Variants in STAT1 observed in about 807,000 individuals in gnomAD.
STAT1 encodes the protein signal transducer and activator of transcription 1-alpha/beta.
Under a neutral mutation model 111.7 loss-of-function variants are expected in STAT1, and 24 were observed. The ratio of observed to expected loss-of-function variants is 0.21; its 90% CI spans 0.16 to 0.30. The LOEUF (loss-of-function observed/expected upper bound fraction) is 0.30, where lower values mean the gene tolerates loss of function less well. STAT1 is among the 10% of genes least tolerant of loss of function. STAT1 has a pLI of 1.00. For synonymous variants in STAT1, 332 were observed against 326.5 expected (o/e 1.02, Z -0.18); for missense variants, 351 against 911.9 (o/e 0.38, Z 7.92).
rs1480789602 is a variant in STAT1, at chr2:191,012,964, G to C, written c.-2+561C>G. ...AATTCTGTACCTCTATTAGAGCATCGGTTCCAGTTTTCCTTGTAAAGCTCT... is the reference window on the plus strand; with the variant it reads ...AATTCTGTACCTCTATTAGAGCATCCGTTCCAGTTTTCCTTGTAAAGCTCT... On this transcript the variant is annotated intron_variant, in intron 2 of 24. Transcript: ENST00000361099. The surrounding 1 kb of genome is among the most constrained non-coding windows in gnomAD (Gnocchi z 4.0). 6.6e-6 allele frequency among the ~76,000 whole-genome samples: 1 copy of C among 152,132 alleles called. No individual in the cohort carries two copies. The highest frequency in any genetic ancestry group is 1.5e-5 in the Non-Finnish European group (1 of 68,030).
intron 5 of STAT1, among the ~76,000 whole-genome samples, chr2:191,005,597 A>G (rs1409146247): frequency 6.6e-6 from 1 of 152,196 alleles, no homozygotes; most frequent in African/African-American, 2.4e-5. Context: ...GGTGTATGGT[A>G]GGTTATACCA....
Position 190,979,300 on chromosome 2 carries a change from A to G in STAT1, c.1728-299T>C, listed in dbSNP as rs915104749. Among the ~76,000 whole-genome samples, 1 of 152,234 alleles carries G rather than the reference A, an allele frequency of 6.6e-6. No individual in the cohort carries two copies. Among genetic ancestry groups the G allele is most frequent in the African/African-American group, 2.4e-5 (1 of 41,464 alleles). ...GTTCCTTTATTATTTTAAAGGCCAT[A>G]ACAATGTCTGAATGTATACATCTTT... On this transcript the variant is annotated intron_variant, in intron 20 of 24. Transcript: ENST00000361099. This position sits in a 1 kb window ranked among gnomAD's most constrained non-coding sequence, Gnocchi z 5.8.
At position 190,989,541 on chromosome 2, in the gene STAT1, G is replaced by A; in HGVS notation, c.1097+74C>T. ...GCTAGAAATCTGCTTATTTAGTGGA[G>A]GAATCTGTGCTTGAGTAACAAAATC... On this transcript the variant is annotated intron_variant, in intron 12 of 24. Coordinates refer to ENST00000361099, the MANE Select transcript of STAT1 (RefSeq NM_007315.4). The surrounding 1 kb of genome is among the most constrained non-coding windows in gnomAD (Gnocchi z 5.0). 2.0e-6 allele frequency: 2 copies of A among 1,011,856 alleles called. No homozygotes were observed. The highest frequency in any genetic ancestry group is 2.9e-5 in the South Asian group (2 of 68,172). 62.7% of individuals were successfully genotyped at this position (1,011,856 alleles called of 1,614,324 possible).
In STAT1 at chr2:191,000,833, T is replaced by A. The variant is rs902845843; in HGVS notation, c.462+241A>T. Among the ~76,000 whole-genome samples the A allele has an allele frequency of 6.6e-6, 1 of 152,152 alleles. No individual in the cohort carries two copies. Among genetic ancestry groups the A allele is most frequent in the Non-Finnish European group, 1.5e-5 (1 of 68,016 alleles). On this transcript the variant is annotated intron_variant, in intron 6 of 24. Coordinates refer to ENST00000361099, the MANE Select transcript of STAT1 (RefSeq NM_007315.4). This position sits in a 1 kb window ranked among gnomAD's most constrained non-coding sequence, Gnocchi z 4.8. ...GGCAAAGTCAACATTTACTGCATGA[T>A]CTTTCAGGGAAGAAAAAGCTAAACT...
rs1693569257 is a variant in STAT1 at position 190,993,610 on chromosome 2, A to G, written c.944+1451T>C. The stretch of plus-strand genomic sequence containing the variant: ...CGCTGCCACGGCCACCCTTGCTGCT[A>G]CAGCTGCTGCCCTGACTCTCTGCAC... On this transcript the variant is annotated intron_variant, in intron 10 of 24. Coordinates refer to ENST00000361099, the MANE Select transcript of STAT1 (RefSeq NM_007315.4). The surrounding 1 kb of genome is among the most constrained non-coding windows in gnomAD (Gnocchi z 4.1). 3 of 584,028 alleles carry G rather than the reference A, an allele frequency of 5.1e-6. No individual in the cohort carries two copies. Among genetic ancestry groups the G allele is most frequent in the Non-Finnish European group, 3.3e-6 (1 of 299,528 alleles). The allele number at this position is 584,028 out of a possible 1,614,324, so 36.2% of individuals were successfully genotyped here.
At chr2:191,008,560 C>G (rs1574672222) in intron 4 of STAT1, among the ~76,000 whole-genome samples, 1 of 152,166 alleles carries the variant, frequency 6.6e-6, no homozygotes, top group Non-Finnish European at 1.5e-5. Context: ...TGTTTTATTC[C>G]TCATTTGCAT....
rs587776714 is a variant in STAT1, at chr2:190,976,971, G to GT, written c.1927dup (p.Thr643AsnfsTer4). The GT allele has an allele frequency of 6.2e-7, 1 of 1,614,236 alleles. No individual in the cohort carries two copies. Among genetic ancestry groups the GT allele is most frequent in the Non-Finnish European group, 8.5e-7 (1 of 1,180,036 alleles). On this transcript the variant is annotated frameshift_variant, in exon 22 of 25. Coordinates refer to ENST00000361099, the MANE Select transcript of STAT1 (RefSeq NM_007315.4). LOFTEE classifies it high-confidence loss of function. The surrounding 1 kb of genome is among the most constrained non-coding windows in gnomAD (Gnocchi z 6.0). ...GTAATTGCGAATGATGTCAGGGAAAGTAACAGCAGAAAGTTCTTTCTTCGT... is the reference window on the plus strand; with the variant it reads ...GTAATTGCGAATGATGTCAGGGAAAGTTAACAGCAGAAAGTTCTTTCTTCGT...
Position 190,986,672 on chromosome 2 carries a change from G to A in STAT1, c.1221+182C>T, listed in dbSNP as rs1400411234. 2.6e-5 allele frequency among the ~76,000 whole-genome samples: 4 copies of A among 152,176 alleles called. No homozygotes were observed. The highest frequency in any genetic ancestry group is 4.8e-5 in the African/African-American group (2 of 41,428). On this transcript the variant is annotated intron_variant, in intron 14 of 24. Transcript: ENST00000361099. This position sits in a 1 kb window ranked among gnomAD's most constrained non-coding sequence, Gnocchi z 5.0. ...AGCCCAGAAAACAGAGTGAACAGTC[G>A]TGGGATAAGGAGGAGAAACCAAAAT...
chr2:190,984,506 G>C lies in STAT1; in HGVS notation c.1264-113C>G. ...ACAGAGATCCTGGGCCCAATCAGTG[G>C]CAAGTCTGAAGACTCAATATTCAAT... On this transcript the variant is annotated intron_variant, in intron 15 of 24. Transcript: ENST00000361099. The surrounding 1 kb of genome is among the most constrained non-coding windows in gnomAD (Gnocchi z 5.2). The C allele has an allele frequency of 2.4e-6, 2 of 846,830 alleles. No homozygotes were observed. Among genetic ancestry groups the C allele is most frequent in the Non-Finnish European group, 2.0e-6 (1 of 507,376 alleles). 52.5% of individuals were successfully genotyped at this position (846,830 alleles called of 1,614,324 possible). A position where few individuals can be genotyped will look rare whatever the true frequency, so the allele number is the denominator to read the frequency against.
In STAT1 at chr2:190,980,488, G is replaced by A. The variant is rs935642672; in HGVS notation, c.1632+132C>T. On this transcript the variant is annotated intron_variant, in intron 19 of 24. Coordinates refer to ENST00000361099, the MANE Select transcript of STAT1 (RefSeq NM_007315.4). This position sits in a 1 kb window ranked among gnomAD's most constrained non-coding sequence, Gnocchi z 6.1. ...CTGAAGAAAAGTAAACAACTTGCCC[G>A]AGGGGCTCCTTGGCCAGAGAAGAAC... 1.2e-5 allele frequency: 13 copies of A among 1,066,612 alleles called. No homozygotes were observed. Among genetic ancestry groups the A allele is most frequent in the East Asian group, 2.4e-5 (1 of 41,868 alleles). 66.1% of individuals were successfully genotyped at this position (1,066,612 alleles called of 1,614,324 possible).
rs759265816 is a variant in STAT1, at chr2:190,976,988, T to C, written c.1911A>G (p.Lys637=). The C allele has an allele frequency of 1.2e-6, 2 of 1,614,216 alleles. No individual in the cohort carries two copies. The highest frequency in any genetic ancestry group is 1.7e-6 in the Non-Finnish European group (2 of 1,180,046). The change falls in exon 22 of 25, where the codon AAA becomes AAG. Residue 637 remains lysine (K), a synonymous_variant. Transcript: ENST00000361099. The surrounding 1 kb of genome is among the most constrained non-coding windows in gnomAD (Gnocchi z 6.0). ...CAGGGAAAGTAACAGCAGAAAGTTC[T>C]TTCTTCGTGTAGGGTTCAACCGCAT... ...DFHAVEPYTK[K]ELSAVTFPDI... is the part of the protein sequence containing the mutation.
In STAT1 at chr2:190,993,894, T is replaced by C. The variant is rs932720328; in HGVS notation, c.944+1167A>G. ...GCCTACTGTTCACAAGGCACTGCGC[T>C]AGGTCCTGCTGGGGGAAAAGGGTGA... On this transcript the variant is annotated intron_variant, in intron 10 of 24. Transcript: ENST00000361099. The surrounding 1 kb of genome is among the most constrained non-coding windows in gnomAD (Gnocchi z 4.1). Among the ~76,000 whole-genome samples the C allele has an allele frequency of 3.3e-5, 5 of 152,168 alleles. 1 individual carries two copies. The highest frequency in any genetic ancestry group is 7.3e-5 in the Non-Finnish European group (5 of 68,030).
At chr2:191,002,349 A>G (rs1255340742) in intron 5 of STAT1, among the ~76,000 whole-genome samples, 1 of 151,968 alleles carries the variant, frequency 6.6e-6, no homozygotes, top group African/African-American at 2.4e-5. Context: ...TTCCTTCTAG[A>G]TTTTTCTCTT....
Position 191,007,471 on chromosome 2 carries a change from C to G in STAT1, c.372+92G>C, listed in dbSNP as rs1694794012. On this transcript the variant is annotated intron_variant, in intron 5 of 24. Transcript: ENST00000361099. The surrounding 1 kb of genome is among the most constrained non-coding windows in gnomAD (Gnocchi z 4.2). ...GGGGCTATAAAATTAGAGAGATATT[C>G]ATCATTGCTTTGACATGGGCCCTAA... 3 of 930,798 alleles carry G rather than the reference C, an allele frequency of 3.2e-6. No individual in the cohort carries two copies. In the South Asian group the frequency reaches 4.2e-5, roughly 13 times the overall value. 57.7% of individuals were successfully genotyped at this position (930,798 alleles called of 1,614,324 possible).
intron 12 of STAT1, among the ~76,000 whole-genome samples, chr2:190,988,505 A>G (rs1203977616): frequency 1.3e-5 from 2 of 152,248 alleles, no homozygotes; most frequent in South Asian, 2.1e-4. Context: ...CGGCCTCCCA[A>G]GTAGCTGTGA....
intron 12 of STAT1, among the ~76,000 whole-genome samples, chr2:190,988,012 G>A (rs1164819628): frequency 6.6e-6 from 1 of 152,252 alleles, no homozygotes; most frequent in East Asian, 1.9e-4. Flanking sequence ...GCAGAAGATG[G>A]TAAACTGCAA....
intron 3 of STAT1, among the ~76,000 whole-genome samples, chr2:191,009,432 TA>T (rs1694960923): frequency 1.8e-5 from 1 of 55,534 alleles, no homozygotes; most frequent in Non-Finnish European, 6.9e-5. Flanking sequence ...AATTAGCAAA[TA>T]ATAAATTTTA....
Position 190,998,140 on chromosome 2 carries a change from C to T in STAT1, c.633+77G>A. 1 of 1,566,146 alleles carries T rather than the reference C, an allele frequency of 6.4e-7. No homozygotes were observed. The highest frequency in any genetic ancestry group is 1.4e-5 in the African/African-American group (1 of 73,872). On this transcript the variant is annotated intron_variant, in intron 8 of 24. Coordinates refer to ENST00000361099, the MANE Select transcript of STAT1 (RefSeq NM_007315.4). This position sits in a 1 kb window ranked among gnomAD's most constrained non-coding sequence, Gnocchi z 4.1. The stretch of plus-strand genomic sequence containing the variant: ...CTAAGCCAGGTGGCTATAATTTTTC[C>T]TCTCTTCTAAACTTTGAGTCCATTA...
Position 190,976,907 on chromosome 2 carries a change from C to G in STAT1, c.1992G>C (p.Leu664=), listed in dbSNP as rs1691949058. ...TGTCAATATTTGGATACAGATACTTCAGGGGATTCTCAGGAATATTCTCAG... is the reference window on the plus strand; with the variant it reads ...TGTCAATATTTGGATACAGATACTTGAGGGGATTCTCAGGAATATTCTCAG... ...MAAENIPENP[L]KYLYPNIDKD... Residue 664 remains leucine, a synonymous_variant, in exon 22 of 25, where the codon CTG becomes CTC. Transcript: ENST00000361099. This position sits in a 1 kb window ranked among gnomAD's most constrained non-coding sequence, Gnocchi z 6.0. The G allele has an allele frequency of 1.2e-6, 2 of 1,614,134 alleles. No homozygotes were observed. The highest frequency in any genetic ancestry group is 1.1e-5 in the South Asian group (1 of 91,078).
Sources: gnomAD v4.1 joint callset for allele counts (sites outside exome capture counted in the v4.1 genomes callset) on GRCh38, gnomAD v4.1.1 for gene constraint, Gnocchi (gnomAD v3.1) non-coding constraint, MANE v1.5 for transcripts, NCBI Gene and HGNC (gene_info 2026-07-23, HGNC 2026-07-21) for gene names.